Variants in FAM186A observed in about 807,000 individuals in gnomAD.
The protein encoded by FAM186A is protein FAM186A.
FAM186A carries 163 observed loss-of-function variants against 216.8 expected under a neutral mutation model. The observed-to-expected ratio is 0.75, with a 90% CI of 0.66 to 0.86. FAM186A has a LOEUF of 0.86. Among genes scored for constraint, FAM186A ranks in the 40% least tolerant of loss-of-function variants. The pLI, the probability that FAM186A is intolerant of heterozygous loss-of-function variation, is 0.00. For missense variants in FAM186A, 2,184 were observed against 2,746.2 expected (o/e 0.80, Z 4.58); for synonymous variants, 805 against 1,025.3 (o/e 0.79, Z 4.10).
At chr12:50,365,941 TG>T in intron 1 of FAM186A, 1 of 763,730 alleles carries the variant, frequency 1.3e-6, no homozygotes. Flanking sequence ...ACTGTCCATG[TG>T]GGCCCTCGCC....
chr12:50,390,773 T>G (rs113523592), intron 1 of FAM186A, among the ~76,000 whole-genome samples: 33 of 152,250 alleles, frequency 2.2e-4, no homozygotes, highest in African/African-American at 7.7e-4. Context: ...TTTCTCATAC[T>G]ATTGGTGAAA....
intron 4 of FAM186A, among the ~76,000 whole-genome samples, chr12:50,346,915 T>C (rs1006158176): frequency 9.4e-5 from 14 of 148,368 alleles, no homozygotes; most frequent in South Asian, 2.1e-4. Context: ...TGGTCACACA[T>C]GCACACACAC....
chr12:50,374,931 A>C (rs1943182878), intron 1 of FAM186A, among the ~76,000 whole-genome samples: 1 of 152,258 alleles, frequency 6.6e-6, no homozygotes, highest in Non-Finnish European at 1.5e-5. Flanking sequence ...TAATCCCAGC[A>C]CTTTGGGAGG....
intron 4 of FAM186A, among the ~76,000 whole-genome samples, chr12:50,347,817 T>C (rs1284260866): frequency 6.6e-6 from 1 of 152,192 alleles, no homozygotes; most frequent in Admixed American, 6.5e-5. Context: ...ACCTGCTGCC[T>C]GCTGCCTCCA....
chr12:50,393,439 G>T (rs77342351), intron 1 of FAM186A, among the ~76,000 whole-genome samples: 1 of 151,918 alleles, frequency 6.6e-6, no homozygotes, highest in Non-Finnish European at 1.5e-5. Context: ...CTGCTCGGGA[G>T]GCTGAGGCAG....
In FAM186A at chr12:50,396,281, T is replaced by G; in HGVS notation, c.192+12A>C. On this transcript the variant is annotated intron_variant, in intron 1 of 7. Coordinates refer to ENST00000327337, the MANE Select transcript of FAM186A (RefSeq NM_001145475.3). ...AAAATTGCAGTCTGTAAACTTCAGA[T>G]TCACTACCTACCTCTCTGGCTCGAT... 1 of 1,493,734 alleles carries G rather than the reference T, an allele frequency of 6.7e-7. No homozygotes were observed. Among genetic ancestry groups the G allele is most frequent in the Non-Finnish European group, 8.9e-7 (1 of 1,118,926 alleles). 92.5% of individuals were successfully genotyped at this position (1,493,734 alleles called of 1,614,324 possible).
intron 1 of FAM186A, among the ~76,000 whole-genome samples, chr12:50,374,695 A>G (rs999624062): frequency 2.6e-5 from 4 of 152,260 alleles, no homozygotes; most frequent in Non-Finnish European, 5.9e-5. Context: ...AGCTAGCATC[A>G]TACTTAATGG....
At chr12:50,349,752 C>T (rs1193197756) in intron 4 of FAM186A, among the ~76,000 whole-genome samples, 1 of 152,036 alleles carries the variant, frequency 6.6e-6, no homozygotes, top group African/African-American at 2.4e-5. Context: ...CGGGTTCAAG[C>T]GATTCTCCTG....
At chr12:50,358,969 C>T (rs1199735466) in intron 3 of FAM186A, among the ~76,000 whole-genome samples, 3 of 150,358 alleles carry the variant, frequency 2.0e-5, no homozygotes, top group Non-Finnish European at 4.4e-5. Flanking sequence ...TGGGCAAGTA[C>T]TTGAATAGAT....
At chr12:50,347,205 A>G (rs556418314) in intron 4 of FAM186A, among the ~76,000 whole-genome samples, 2 of 152,278 alleles carry the variant, frequency 1.3e-5, no homozygotes, top group African/African-American at 4.8e-5. Flanking sequence ...ACATGTGTAA[A>G]GGAACAACAA....
intron 1 of FAM186A, chr12:50,365,884 A>G: frequency 1.3e-6 from 1 of 763,034 alleles, no homozygotes; most frequent in South Asian, 1.3e-5. Flanking sequence ...AGGAAGAAAT[A>G]TATTATCTAC....
At chr12:50,380,135 A>G (rs1943240623) in intron 1 of FAM186A, among the ~76,000 whole-genome samples, 1 of 152,250 alleles carries the variant, frequency 6.6e-6, no homozygotes, top group Non-Finnish European at 1.5e-5. Context: ...AAAATGGAAT[A>G]TGAATACTAA....
intron 1 of FAM186A, among the ~76,000 whole-genome samples, chr12:50,371,820 T>C (rs1474553333): frequency 6.9e-6 from 1 of 144,974 alleles, no homozygotes; most frequent in Non-Finnish European, 1.5e-5. Context: ...CCACAATTAA[T>C]TTTTTTTTTT....
intron 1 of FAM186A, among the ~76,000 whole-genome samples, chr12:50,382,964 G>A (rs970235574): frequency 6.6e-6 from 1 of 151,660 alleles, no homozygotes; most frequent in South Asian, 2.1e-4. Flanking sequence ...CGGGCATAGC[G>A]GCTCATGCCT....
chr12:50,335,282 T>C (rs537371935), intron 4 of FAM186A, among the ~76,000 whole-genome samples: 3 of 152,282 alleles, frequency 2.0e-5, no homozygotes, highest in Admixed American at 6.5e-5. Flanking sequence ...AATGTGGCTA[T>C]TTGTAATAAA....
chr12:50,361,214 T>C (rs965276442), intron 2 of FAM186A, among the ~76,000 whole-genome samples: 1 of 152,190 alleles, frequency 6.6e-6, no homozygotes, highest in Non-Finnish European at 1.5e-5. Flanking sequence ...TTTGTTTTGT[T>C]TTGAGACAGA....
intron 1 of FAM186A, among the ~76,000 whole-genome samples, chr12:50,370,256 A>C (rs995849505): frequency 2.0e-5 from 3 of 151,730 alleles, no homozygotes; most frequent in Non-Finnish European, 4.4e-5. Flanking sequence ...GTGAGCCGAG[A>C]TTGTGCCACT....
chr12:50,356,204 T>C lies in FAM186A; in HGVS notation c.628A>G (p.Lys210Glu), dbSNP rs954937763. The C allele has an allele frequency of 1.3e-6, 2 of 1,550,788 alleles. No individual in the cohort carries two copies. Among genetic ancestry groups the C allele is most frequent in the Non-Finnish European group, 1.7e-6 (2 of 1,146,814 alleles). ...LWKSWKERVI[K>E]RPSTARALRP... ...AAAGCACGGGCTGTTGAAGGTCGTTTTATAACTCTTTCTTTCCAAGATTTC... is the reference window on the plus strand; with the variant it reads ...AAAGCACGGGCTGTTGAAGGTCGTTCTATAACTCTTTCTTTCCAAGATTTC... Residue 210 changes from lysine (K) to glutamate (E), a missense_variant, in exon 4 of 8, where the codon AAA becomes GAA. Physicochemically the swap from Lys to Glu is moderately conservative, Grantham distance 56 (BLOSUM62 1). This residue lies in a region of FAM186A where 1,132 missense variants were observed against 1,263.4 expected (regional missense o/e 0.90). Coordinates refer to ENST00000327337, the MANE Select transcript of FAM186A (RefSeq NM_001145475.3).
chr12:50,388,281 G>C (rs973586309), intron 1 of FAM186A, among the ~76,000 whole-genome samples: 6 of 152,100 alleles, frequency 3.9e-5, no homozygotes, highest in African/African-American at 1.4e-4. Context: ...TTTAAGAATT[G>C]TTATATTTCA....
Sources: allele counts gnomAD v4.1 joint callset (sites outside exome capture counted in the v4.1 genomes callset), GRCh38; gene constraint gnomAD v4.1.1; regional missense constraint gnomAD v4.1.1; transcripts MANE v1.5; gene names NCBI Gene and HGNC (gene_info 2026-07-23, HGNC 2026-07-21).